The following STON2 variants were observed in gnomAD, a reference collection of about 807,000 sequenced individuals.
STON2 encodes the protein stonin-2.
Under a neutral mutation model 65.7 loss-of-function variants are expected in STON2, and 29 were observed. The observed-to-expected ratio is 0.44, with a 90% CI of 0.33 to 0.60. STON2 has a LOEUF of 0.60. Among genes scored for constraint, STON2 ranks in the 20% least tolerant of loss-of-function variants. STON2 has a pLI of 0.03. For missense variants in STON2, 1,054 were observed against 1,118.1 expected (o/e 0.94, Z 0.82); for synonymous variants, 404 against 414.2 (o/e 0.98, Z 0.30).
At position 81,384,951 on chromosome 14, in the gene STON2, G is replaced by T. The variant is rs948704578; in HGVS notation, c.373+10943C>A. 3.0e-4 allele frequency among the ~76,000 whole-genome samples: 45 copies of T among 152,214 alleles called. No homozygotes were observed. In the East Asian group the frequency reaches 6.2e-3, roughly 21 times the overall value. On this transcript the variant is annotated intron_variant, in intron 3 of 7. Coordinates refer to ENST00000614646, the MANE Select transcript of STON2 (RefSeq NM_001394390.1). ...TCTGCTTTTTCATAGCTGGCAGTATGAAGCAGCTACTGCTCCCAGGACTAG... is the reference window on the plus strand; with the variant it reads ...TCTGCTTTTTCATAGCTGGCAGTATTAAGCAGCTACTGCTCCCAGGACTAG...
intron 5 of STON2, among the ~76,000 whole-genome samples, chr14:81,293,659 A>G (rs527618043): frequency 6.6e-6 from 1 of 152,330 alleles, no homozygotes; most frequent in African/African-American, 2.4e-5. Flanking sequence ...AGACTAGAAG[A>G]GTGCTTGTGC....
At chr14:81,363,126 C>T (rs1312304426) in intron 4 of STON2, among the ~76,000 whole-genome samples, 1 of 152,160 alleles carries the variant, frequency 6.6e-6, no homozygotes, top group Non-Finnish European at 1.5e-5. Context: ...GGTTGAATCC[C>T]AACTACCCTT....
chr14:81,424,363 G>C lies in STON2; in HGVS notation c.-199+2739C>G, dbSNP rs190904440. Reference sequence around the variant, plus strand: ...GGAGGCTGAGGCAAGAGAATCGCTTGAACACGGGAAGCTGAGGTTGCAGTG... The same window carrying C: ...GGAGGCTGAGGCAAGAGAATCGCTTCAACACGGGAAGCTGAGGTTGCAGTG... On this transcript the variant is annotated intron_variant, in intron 2 of 8. Transcript: ENST00000553821. Among the ~76,000 whole-genome samples, 327 of 152,182 alleles carry C rather than the reference G, an allele frequency of 2.1e-3. 2 individuals are homozygous for C. The highest frequency in any genetic ancestry group is 7.7e-3 in the African/African-American group (320 of 41,530).
chr14:81,334,124 T>C (rs1897296053), intron 4 of STON2, among the ~76,000 whole-genome samples: 1 of 152,176 alleles, frequency 6.6e-6, no homozygotes, highest in Non-Finnish European at 1.5e-5. Flanking sequence ...ATACTGATGC[T>C]GAAAGGCCAG....
intron 4 of STON2, 55 bp downstream of exon 4, chr14:81,370,933 C>T (rs1898955452): frequency 8.4e-6 from 13 of 1,542,440 alleles, no homozygotes; most frequent in Non-Finnish European, 8.9e-6. Context: ...TTAAAGTGGA[C>T]CTGGGTACAC....
At chr14:81,270,571 G>A (rs1473808835) in intron 7 of STON2, 99 bp downstream of exon 7, 2 of 1,606,742 alleles carry the variant, frequency 1.2e-6, no homozygotes, top group Non-Finnish European at 1.7e-6. Context: ...GAGGTTACCA[G>A]GCGAACATAG....
At chr14:81,273,761 G>T (rs985576331) in intron 6 of STON2, among the ~76,000 whole-genome samples, 9 of 152,164 alleles carry the variant, frequency 5.9e-5, no homozygotes, top group African/African-American at 2.2e-4. Context: ...CTGACCTGCT[G>T]ACCTGCTGGC....
intron 4 of STON2, among the ~76,000 whole-genome samples, chr14:81,364,158 G>T (rs1898617707): frequency 1.3e-5 from 2 of 152,120 alleles, no homozygotes; most frequent in South Asian, 4.1e-4. Flanking sequence ...CTGAGAAAAA[G>T]AAACTGAGTT....
At position 81,428,177 on chromosome 14, in the gene STON2, A is replaced by G. The variant is rs76541466; in HGVS notation, c.-309-965T>C. Among the ~76,000 whole-genome samples, 970 of 152,362 alleles carry G rather than the reference A, an allele frequency of 6.4e-3. 6 individuals carry two copies. Among genetic ancestry groups the G allele is most frequent in the African/African-American group, 0.022 (911 of 41,572 alleles). On this transcript the variant is annotated intron_variant, in intron 1 of 8. Transcript: ENST00000553821. ...GTTTTTGATAATTTCAGCAATGATA[A>G]AAGTTTTCCACCCTTCAACTGTTCA...
intron 1 of STON2, among the ~76,000 whole-genome samples, chr14:81,434,124 G>T (rs115132991): frequency 6.6e-6 from 1 of 152,086 alleles, no homozygotes; most frequent in African/African-American, 2.4e-5. Context: ...ACTGTGCCAC[G>T]GCGCCTCCAT....
chr14:81,432,552 G>A (rs1902265017), intron 1 of STON2, among the ~76,000 whole-genome samples: 1 of 152,216 alleles, frequency 6.6e-6, no homozygotes, highest in Non-Finnish European at 1.5e-5. Flanking sequence ...AATTATAGCT[G>A]GAATGACAAG....
chr14:81,404,221 A>G (rs1900740405), upstream of STON2, among the ~76,000 whole-genome samples: 1 of 152,222 alleles, frequency 6.6e-6, no homozygotes, highest in South Asian at 2.1e-4. Flanking sequence ...ATCTAAAATT[A>G]TATCATCCAA....
intron 1 of STON2, among the ~76,000 whole-genome samples, chr14:81,431,622 T>C (rs57035224): frequency 0.067 from 10,112 of 151,972 alleles, 555 homozygotes; most frequent in African/African-American, 0.15. Flanking sequence ...CTACTAAAAA[T>C]ACAAAATTAG....
intron 6 of STON2, among the ~76,000 whole-genome samples, chr14:81,271,128 G>A (rs1894573612): frequency 6.6e-6 from 1 of 152,068 alleles, no homozygotes; most frequent in Non-Finnish European, 1.5e-5. Flanking sequence ...CTGAGAAACA[G>A]GGGCCATCCT....
chr14:81,349,962 G>GA (rs1377386923), intron 4 of STON2, among the ~76,000 whole-genome samples: 3 of 152,214 alleles, frequency 2.0e-5, no homozygotes, highest in Admixed American at 6.5e-5. Context: ...TATGTTAAGT[G>GA]AAATAAGATA....
At chr14:81,410,052 T>C (rs3844534) in intron 2 of STON2, among the ~76,000 whole-genome samples, 38,033 of 151,796 alleles carry the variant, frequency 0.25, 7,261 homozygotes, top group African/African-American at 0.51. Flanking sequence ...TGATCCTTCT[T>C]ATTTTCTCTT....
intron 4 of STON2, among the ~76,000 whole-genome samples, chr14:81,333,723 C>G (rs1394525161): frequency 6.6e-6 from 1 of 152,164 alleles, no homozygotes; most frequent in African/African-American, 2.4e-5. Context: ...CCCATCATGT[C>G]CCCCTGGTGA....
rs1463229368 is a variant in STON2 at position 81,263,435 on chromosome 14, G to C, written c.*4979C>G. Among the ~76,000 whole-genome samples the C allele has an allele frequency of 6.6e-6, 1 of 150,648 alleles. No homozygotes were observed. The highest frequency in any genetic ancestry group is 1.5e-5 in the Non-Finnish European group (1 of 67,834). Reference sequence around the variant, plus strand: ...TGCCTGTAGTCCCAGCTACTCGGGAGGTTGAGGCAGGAGAATCACTTGAAC... The same window carrying C: ...TGCCTGTAGTCCCAGCTACTCGGGACGTTGAGGCAGGAGAATCACTTGAAC... On this transcript the variant is annotated 3_prime_UTR_variant, in exon 8 of 8. Transcript: ENST00000614646.
At chr14:81,278,925 A>G in intron 5 of STON2, 186 bp from the exon 6 acceptor site, 2 of 451,026 alleles carry the variant, frequency 4.4e-6, no homozygotes, top group Non-Finnish European at 7.7e-6. Flanking sequence ...AGCACCCCAG[A>G]GGAGCTATCG....
Sources: gnomAD v4.1 joint callset for allele counts (sites outside exome capture counted in the v4.1 genomes callset) on GRCh38, gnomAD v4.1.1 for gene constraint, MANE v1.5 for transcripts, NCBI Gene and HGNC (gene_info 2026-07-23, HGNC 2026-07-21) for gene names.